WHR1: variants seen among roughly 807,000 people sequenced by gnomAD.
The protein encoded by WHR1 is MHC class III HLA-RP1.
the WHR1 span, among the ~76,000 whole-genome samples, chr6:31,975,289 C>T: frequency 7.3e-5 from 11 of 151,346 alleles, no homozygotes; most frequent in East Asian, 2.1e-3. Flanking sequence ...GCAACCTCTG[C>T]CTCCTGGGTT....
At chr6:31,971,879 T>G in the WHR1 span, 13 of 1,458,724 alleles carry the variant, frequency 8.9e-6, no homozygotes, top group Non-Finnish European at 1.1e-5. The surrounding 1 kb of genome is among the most constrained non-coding windows in gnomAD (Gnocchi z 4.5). Context: ...GTCCTCCAAA[T>G]GCAGTGAGGT....
the WHR1 span, chr6:31,972,713 G>C: frequency 6.2e-7 from 1 of 1,613,714 alleles, no homozygotes; most frequent in Non-Finnish European, 8.5e-7. The surrounding 1 kb of genome is among the most constrained non-coding windows in gnomAD (Gnocchi z 6.3). Context: ...GAGGAGCCAG[G>C]TGTACAGCCT....
At chr6:31,978,696 A>G in the WHR1 span, among the ~76,000 whole-genome samples, 2 of 152,326 alleles carry the variant, frequency 1.3e-5, no homozygotes, top group East Asian at 1.9e-4. Flanking sequence ...TAGACCATAT[A>G]TAAGGCAGGT....
At chr6:31,972,475 G>T in the WHR1 span, 1 of 1,612,902 alleles carries the variant, frequency 6.2e-7, no homozygotes, top group Non-Finnish European at 8.5e-7. The surrounding 1 kb of genome is among the most constrained non-coding windows in gnomAD (Gnocchi z 6.3). Context: ...GCGGAAGCGA[G>T]GGCCTGTGGA....
chr6:31,972,159 C>T, the WHR1 span: 1 of 1,612,636 alleles, frequency 6.2e-7, no homozygotes, highest in South Asian at 1.1e-5. The surrounding 1 kb of genome is among the most constrained non-coding windows in gnomAD (Gnocchi z 6.3). Context: ...GCGTGCGTGC[C>T]CTTGGAGGGA....
chr6:31,975,923 T>C, the WHR1 span, among the ~76,000 whole-genome samples: 2 of 122,972 alleles, frequency 1.6e-5, no homozygotes, highest in African/African-American at 6.4e-5. Flanking sequence ...CCCCCCCACC[T>C]CCCTCCCGGA....
chr6:31,975,961 C>T, the WHR1 span, among the ~76,000 whole-genome samples: 2 of 149,946 alleles, frequency 1.3e-5, no homozygotes, highest in African/African-American at 2.5e-5. Context: ...CAGAGGGGCT[C>T]CTCACTTCCC....
chr6:31,976,643 G>T, the WHR1 span, among the ~76,000 whole-genome samples: 2 of 152,244 alleles, frequency 1.3e-5, no homozygotes, highest in Non-Finnish European at 2.9e-5. Context: ...AGACGGGGTG[G>T]CGGCCGGGCA....
the WHR1 span, chr6:31,973,367 C>A: frequency 4.6e-6 from 1 of 218,948 alleles, no homozygotes; most frequent in Non-Finnish European, 9.4e-6. Flanking sequence ...GTGGAGCATC[C>A]AAAGACAAAG....
At chr6:31,972,169 A>G in the WHR1 span, 5 of 1,611,922 alleles carry the variant, frequency 3.1e-6, no homozygotes, top group Non-Finnish European at 4.2e-6. This position sits in a 1 kb window ranked among gnomAD's most constrained non-coding sequence, Gnocchi z 6.3. Context: ...CCTTGGAGGG[A>G]GCCAATCCGC....
chr6:31,971,596 G>T, the WHR1 span: 19 of 1,613,634 alleles, frequency 1.2e-5, no homozygotes, highest in Non-Finnish European at 1.6e-5. This position sits in a 1 kb window ranked among gnomAD's most constrained non-coding sequence, Gnocchi z 4.5. Context: ...GGGCAGAGAA[G>T]GTGCTGGACG....
the WHR1 span, chr6:31,980,252 G>C: frequency 1.9e-6 from 1 of 535,880 alleles, no homozygotes; most frequent in Non-Finnish European, 3.3e-6. Flanking sequence ...AGTCCAGGTA[G>C]GGGGCCTGGA....
At chr6:31,975,694 C>T in the WHR1 span, among the ~76,000 whole-genome samples, 1 of 150,438 alleles carries the variant, frequency 6.6e-6, no homozygotes. Flanking sequence ...CACACAGACA[C>T]GGCAACCATC....
the WHR1 span, chr6:31,972,020 C>T: frequency 6.2e-7 from 1 of 1,607,858 alleles, no homozygotes; most frequent in East Asian, 2.2e-5. The surrounding 1 kb of genome is among the most constrained non-coding windows in gnomAD (Gnocchi z 6.3). Flanking sequence ...TTTCTGCTTT[C>T]GATGATGCAA....
the WHR1 span, among the ~76,000 whole-genome samples, chr6:31,978,153 T>C: frequency 3.3e-5 from 5 of 152,196 alleles, 1 homozygote; most frequent in Non-Finnish European, 7.4e-5. Context: ...TAAACAATTT[T>C]TTTTAAGAGA....
the WHR1 span, among the ~76,000 whole-genome samples, chr6:31,975,490 C>T: frequency 1.3e-5 from 2 of 151,704 alleles, no homozygotes; most frequent in Non-Finnish European, 2.9e-5. Context: ...CATGATCCAC[C>T]GCACCCGGCC....
the WHR1 span, among the ~76,000 whole-genome samples, chr6:31,978,080 G>T: frequency 6.6e-6 from 1 of 152,170 alleles, no homozygotes; most frequent in Non-Finnish European, 1.5e-5. Context: ...GAGCCATCTC[G>T]CCCGGCCTAC....
the WHR1 span, chr6:31,972,767 G>A: frequency 1.2e-6 from 2 of 1,610,020 alleles, no homozygotes; most frequent in Non-Finnish European, 1.7e-6. This position sits in a 1 kb window ranked among gnomAD's most constrained non-coding sequence, Gnocchi z 6.3. Context: ...GGTGAGGGGC[G>A]TCGGTGCGAC....
the WHR1 span, chr6:31,979,891 T>G: frequency 4.4e-6 from 1 of 224,758 alleles, no homozygotes. Context: ...CCCCTAAACA[T>G]TCACATTAAA....
Sources: allele counts gnomAD v4.1 joint callset (sites outside exome capture counted in the v4.1 genomes callset), GRCh38; gene constraint gnomAD v4.1.1; non-coding constraint Gnocchi (gnomAD v3.1); transcripts MANE v1.5; gene names NCBI Gene and HGNC (gene_info 2026-07-23, HGNC 2026-07-21).